Variants in AHCYL2 observed in about 807,000 individuals in gnomAD.
AHCYL2 encodes the protein adenosylhomocysteinase like 2.
In AHCYL2, 28 loss-of-function variants were observed where a neutral mutation model predicts 81.4. The ratio of observed to expected loss-of-function variants is 0.34; its 90% CI spans 0.25 to 0.47. AHCYL2 has a LOEUF of 0.47. AHCYL2 is among the 20% of genes least tolerant of loss of function. AHCYL2 has a pLI of 1.00. For synonymous variants in AHCYL2, 272 were observed against 290.2 expected (o/e 0.94, Z 0.64); for missense variants, 551 against 785.1 (o/e 0.70, Z 3.56).
intron 2 of AHCYL2, among the ~76,000 whole-genome samples, chr7:129,384,160 TC>T (rs1288285564): frequency 6.6e-6 from 1 of 151,562 alleles, no homozygotes; most frequent in African/African-American, 2.4e-5. Context: ...GATACAGAAC[TC>T]CACCCAACAT....
At chr7:129,405,279 G>A (rs999257208) in intron 8 of AHCYL2, 66 bp downstream of exon 8, 1 of 1,225,972 alleles carries the variant, frequency 8.2e-7, no homozygotes, top group Non-Finnish European at 1.1e-6. Flanking sequence ...TTTTGGCTTT[G>A]GTTATTTCTG....
chr7:129,360,637 T>TA (rs1166064243), intron 1 of AHCYL2, among the ~76,000 whole-genome samples: 1 of 152,230 alleles, frequency 6.6e-6, no homozygotes, highest in Non-Finnish European at 1.5e-5. Flanking sequence ...AATTGATTCT[T>TA]AACCTAGACC....
At chr7:129,388,942 TA>T (rs1563227818) in intron 2 of AHCYL2, 113 bp from the exon 3 acceptor site, 5 of 1,264,654 alleles carry the variant, frequency 4.0e-6, no homozygotes, top group Non-Finnish European at 4.3e-6. Context: ...TTAACAGAGG[TA>T]AAAAAATTTA....
At chr7:129,390,707 G>C (rs1397148477) in intron 4 of AHCYL2, among the ~76,000 whole-genome samples, 1 of 152,122 alleles carries the variant, frequency 6.6e-6, no homozygotes, top group Non-Finnish European at 1.5e-5. Flanking sequence ...GACATGAAAA[G>C]GAAGAGGGAC....
intron 12 of AHCYL2, among the ~76,000 whole-genome samples, chr7:129,420,877 A>G (rs886535006): frequency 4.6e-5 from 7 of 152,204 alleles, no homozygotes; most frequent in Non-Finnish European, 1.5e-5. Flanking sequence ...TGCTTAGTTT[A>G]AAAATGCAAA....
chr7:129,274,392 T>C (rs1294059243), intron 1 of AHCYL2, among the ~76,000 whole-genome samples: 1 of 152,196 alleles, frequency 6.6e-6, no homozygotes, highest in African/African-American at 2.4e-5. Context: ...GCTGATGCCA[T>C]AATGAAATGA....
intron 12 of AHCYL2, among the ~76,000 whole-genome samples, chr7:129,420,642 G>A (rs1355793622): frequency 6.6e-6 from 1 of 151,302 alleles, no homozygotes; most frequent in African/African-American, 2.4e-5. Context: ...AACATGCCCA[G>A]CTAATTCTGT....
Position 129,406,508 on chromosome 7 carries a change from G to T in AHCYL2, c.1295+42G>T. 6.3e-7 allele frequency: 1 copy of T among 1,590,614 alleles called. No homozygotes were observed. Among genetic ancestry groups the T allele is most frequent in the African/African-American group, 1.3e-5 (1 of 74,514 alleles). On this transcript the variant is annotated intron_variant, in intron 10 of 16. Transcript: ENST00000325006. The surrounding 1 kb of genome is among the most constrained non-coding windows in gnomAD (Gnocchi z 4.3). ...CCATCTCACTTGCAATCTCGGAGCT[G>T]TCTCCAAAGAATGGCCTGGTTGATG...
intron 1 of AHCYL2, among the ~76,000 whole-genome samples, chr7:129,268,982 C>T (rs1193137489): frequency 1.3e-5 from 2 of 152,156 alleles, no homozygotes; most frequent in East Asian, 1.9e-4. Flanking sequence ...ATTCCCTAGG[C>T]AACCACGAAT....
At chr7:129,425,538 A>G (rs1797324888) in intron 15 of AHCYL2, among the ~76,000 whole-genome samples, 1 of 152,218 alleles carries the variant, frequency 6.6e-6, no homozygotes, top group South Asian at 2.1e-4. Flanking sequence ...CTCAGACGAC[A>G]CAAGACTTTC....
At chr7:129,388,639 C>G (rs1232528762) in intron 2 of AHCYL2, among the ~76,000 whole-genome samples, 1 of 152,158 alleles carries the variant, frequency 6.6e-6, no homozygotes. Flanking sequence ...TTTTCTAGGT[C>G]TTATCTGTTC....
chr7:129,304,737 T>A (rs1797368469), intron 1 of AHCYL2, among the ~76,000 whole-genome samples: 1 of 151,964 alleles, frequency 6.6e-6, no homozygotes, highest in South Asian at 2.1e-4. Flanking sequence ...TATGGAATAT[T>A]TTTTTTCATC....
At chr7:129,425,185 A>C in intron 15 of AHCYL2, 44 bp downstream of exon 15, 1 of 1,575,510 alleles carries the variant, frequency 6.3e-7, no homozygotes, top group South Asian at 1.1e-5. Flanking sequence ...AAAGTAGTTC[A>C]GAGTCTGAGG....
chr7:129,350,244 T>C (rs997980442), intron 1 of AHCYL2, among the ~76,000 whole-genome samples: 1 of 152,176 alleles, frequency 6.6e-6, no homozygotes, highest in South Asian at 2.1e-4. Flanking sequence ...CAGTCACTTA[T>C]CCTGTCCATA....
intron 1 of AHCYL2, among the ~76,000 whole-genome samples, chr7:129,316,794 A>G (rs1797838358): frequency 6.6e-6 from 1 of 152,228 alleles, no homozygotes. Context: ...GAATAGAATG[A>G]TGGAGGAATT....
chr7:129,302,720 A>G (rs548136740), intron 1 of AHCYL2, among the ~76,000 whole-genome samples: 1 of 152,304 alleles, frequency 6.6e-6, no homozygotes, highest in South Asian at 2.1e-4. Context: ...TCACTTGATC[A>G]TGATGAATGA....
At chr7:129,422,070 T>C (rs1261566517) in intron 12 of AHCYL2, among the ~76,000 whole-genome samples, 1 of 152,368 alleles carries the variant, frequency 6.6e-6, no homozygotes, top group African/African-American at 2.4e-5. Flanking sequence ...AAAGAAGGTG[T>C]TGTCTTAAGT....
intron 1 of AHCYL2, chr7:129,367,989 C>A: frequency 1.8e-6 from 1 of 553,706 alleles, no homozygotes; most frequent in Non-Finnish European, 2.3e-6. Flanking sequence ...CGCCTGTTTA[C>A]TGATCCAAAT....
chr7:129,358,721 TAAA>T (rs948120671), intron 1 of AHCYL2, among the ~76,000 whole-genome samples: 2 of 152,222 alleles, frequency 1.3e-5, no homozygotes, highest in African/African-American at 4.8e-5. Context: ...ACTGTATACT[TAAA>T]AATGGTTAAA....
Sources: gnomAD v4.1 joint callset for allele counts (sites outside exome capture counted in the v4.1 genomes callset) on GRCh38, gnomAD v4.1.1 for gene constraint, Gnocchi (gnomAD v3.1) non-coding constraint, MANE v1.5 for transcripts, NCBI Gene and HGNC (gene_info 2026-07-23, HGNC 2026-07-21) for gene names.